The following NLN variants were observed in gnomAD, a reference collection of about 807,000 sequenced individuals.
NLN encodes neurolysin.
NLN carries 64 observed loss-of-function variants against 79.9 expected under a neutral mutation model. The observed-to-expected ratio is 0.80, with a 90% CI of 0.65 to 0.99. The LOEUF is 0.99. Among genes scored for constraint, NLN ranks in the 50% least tolerant of loss-of-function variants. The pLI, the probability that NLN is intolerant of heterozygous loss-of-function variation, is 0.00. For missense variants in NLN, 835 were observed against 858.7 expected (o/e 0.97, Z 0.34); for synonymous variants, 267 against 296.6 (o/e 0.90, Z 1.02).
intron 2 of NLN, among the ~76,000 whole-genome samples, chr5:65,761,103 G>A (rs910108092): frequency 2.0e-5 from 3 of 152,076 alleles, no homozygotes; most frequent in African/African-American, 4.8e-5. Context: ...CTATGGTTTG[G>A]CAGTGAGAGC....
intron 12 of NLN, among the ~76,000 whole-genome samples, chr5:65,817,230 G>A (rs1760688930): frequency 6.6e-6 from 1 of 152,154 alleles, no homozygotes; most frequent in African/African-American, 2.4e-5. Flanking sequence ...GTTCTTCATA[G>A]TAAATAGACA....
At chr5:65,779,406 T>C (rs1759750610) in intron 4 of NLN, among the ~76,000 whole-genome samples, 1 of 152,190 alleles carries the variant, frequency 6.6e-6, no homozygotes, top group African/African-American at 2.4e-5. Flanking sequence ...TCATTTGATC[T>C]CCCACCTAAT....
chr5:65,814,263 G>A (rs564575430), intron 12 of NLN, among the ~76,000 whole-genome samples: 8 of 152,000 alleles, frequency 5.3e-5, no homozygotes, highest in African/African-American at 1.2e-4. Flanking sequence ...AAAGGCCCTC[G>A]TCCTTCTTCT....
chr5:65,809,779 C>T (rs1302519311), intron 10 of NLN, 78 bp downstream of exon 10: 6 of 1,196,528 alleles, frequency 5.0e-6, no homozygotes, highest in Non-Finnish European at 7.0e-6. Context: ...TTCTGTAGAA[C>T]TTATTTTCAT....
At chr5:65,780,894 G>A (rs1283135326) in intron 5 of NLN, among the ~76,000 whole-genome samples, 3 of 152,030 alleles carry the variant, frequency 2.0e-5, no homozygotes, top group African/African-American at 4.8e-5. Context: ...GAATGGTCTC[G>A]ATTTCTTGAC....
intron 2 of NLN, among the ~76,000 whole-genome samples, chr5:65,760,676 C>T (rs999219017): frequency 1.3e-5 from 2 of 152,132 alleles, no homozygotes; most frequent in Non-Finnish European, 2.9e-5. Context: ...CCATGCCCAG[C>T]TAATTTTTAC....
chr5:65,820,338 G>T (rs1481418800), intron 12 of NLN, among the ~76,000 whole-genome samples: 3 of 152,130 alleles, frequency 2.0e-5, no homozygotes, highest in African/African-American at 7.2e-5. Flanking sequence ...CTGGATGATA[G>T]GTTTGTGAGA....
chr5:65,738,936 AT>A lies in NLN; in HGVS notation c.41+16528del, dbSNP rs1228775439. On this transcript the variant is annotated intron_variant, in intron 1 of 12. Coordinates refer to ENST00000380985, the MANE Select transcript of NLN (RefSeq NM_020726.5). ...CTATGATATATATGTGTGTATATAT[AT>A]TTTTTATATATGTTTATATATATGT... is the stretch of plus-strand genomic sequence containing the variant. 1.7e-4 allele frequency among the ~76,000 whole-genome samples: 16 copies of A among 96,624 alleles called. 1 individual carries two copies. Among genetic ancestry groups the A allele is most frequent in the East Asian group, 9.5e-4 (4 of 4,192 alleles). 63.4% of individuals were successfully genotyped at this position (96,624 alleles called of 152,430 possible).
Position 65,788,468 on chromosome 5 carries a change from T to C in NLN, c.1309T>C (p.Leu437=). 1 of 1,613,590 alleles carries C rather than the reference T, an allele frequency of 6.2e-7. No homozygotes were observed. Among genetic ancestry groups the C allele is most frequent in the African/African-American group, 1.3e-5 (1 of 75,046 alleles). The change falls in exon 8 of 13, where the codon TTG becomes CTG. Residue 437 remains leucine (L), a synonymous_variant. Coordinates refer to ENST00000380985, the MANE Select transcript of NLN (RefSeq NM_020726.5). ...AGGAGAAGTATTGGGACAGTTCTAT[T>C]TGGACCTCTATCCAAGGTACTGAGG... ...ATGEVLGQFY[L]DLYPREGKYN...
At chr5:65,786,289 AT>A (rs1359621063) in intron 7 of NLN, among the ~76,000 whole-genome samples, 5 of 152,232 alleles carry the variant, frequency 3.3e-5, no homozygotes, top group African/African-American at 1.2e-4. Context: ...GTACATAAAA[AT>A]AAAACATACA....
chr5:65,786,979 A>G (rs1346071438), intron 7 of NLN, among the ~76,000 whole-genome samples: 2 of 152,260 alleles, frequency 1.3e-5, no homozygotes, highest in Non-Finnish European at 2.9e-5. Context: ...TGCATGGTAT[A>G]CAAGAGGATG....
At chr5:65,730,694 T>A (rs1758586367) in intron 1 of NLN, among the ~76,000 whole-genome samples, 1 of 152,010 alleles carries the variant, frequency 6.6e-6, no homozygotes, top group African/African-American at 2.4e-5. Context: ...GTAGCTGGGA[T>A]TACAGGCACC....
chr5:65,784,615 C>T (rs990964393), intron 6 of NLN, among the ~76,000 whole-genome samples: 1 of 152,166 alleles, frequency 6.6e-6, no homozygotes. Flanking sequence ...ATTCATTGGT[C>T]AATTCCCAAA....
intron 9 of NLN, 135 bp from the exon 10 acceptor site, chr5:65,809,380 G>C: frequency 1.5e-6 from 1 of 677,140 alleles, no homozygotes; most frequent in Non-Finnish European, 2.5e-6. Context: ...TTGACTATGA[G>C]GTTATTCTAA....
intron 1 of NLN, among the ~76,000 whole-genome samples, chr5:65,756,056 A>G (rs1314612083): frequency 6.6e-6 from 1 of 152,096 alleles, no homozygotes; most frequent in Non-Finnish European, 1.5e-5. Context: ...GTATTCAACA[A>G]AGACTTTTCA....
In NLN at chr5:65,733,385, T is replaced by C. The variant is rs550118287; in HGVS notation, c.41+10971T>C. On this transcript the variant is annotated intron_variant, in intron 1 of 12. Transcript: ENST00000380985. ...CCCAGCTCACCACCTTCTACTTTCA[T>C]GGAAACGAGACCTCCATGAATGCTC... is the stretch of plus-strand genomic sequence containing the variant. 3 of 1,507,516 alleles carry C rather than the reference T, an allele frequency of 2.0e-6. 1 individual carries two copies. Among genetic ancestry groups the C allele is most frequent in the Non-Finnish European group, 2.7e-6 (3 of 1,098,276 alleles). 93.4% of individuals were successfully genotyped at this position (1,507,516 alleles called of 1,614,324 possible).
chr5:65,735,107 C>T (rs1758701896), intron 1 of NLN, among the ~76,000 whole-genome samples: 1 of 152,174 alleles, frequency 6.6e-6, no homozygotes, highest in East Asian at 1.9e-4. Flanking sequence ...ACTGAGTTCT[C>T]ACAAGATCTG....
At chr5:65,737,219 C>G (rs1381871208) in intron 1 of NLN, among the ~76,000 whole-genome samples, 1 of 152,158 alleles carries the variant, frequency 6.6e-6, no homozygotes, top group Non-Finnish European at 1.5e-5. Flanking sequence ...AAGACAGAAA[C>G]TGCTCCTGCC....
At chr5:65,781,581 G>A (rs1436406454) in intron 6 of NLN, among the ~76,000 whole-genome samples, 160 bp downstream of exon 6, 1 of 152,094 alleles carries the variant, frequency 6.6e-6, no homozygotes, top group Non-Finnish European at 1.5e-5. Flanking sequence ...CTTTTTCATT[G>A]CTCATTGACA....
Sources: allele counts gnomAD v4.1 joint callset (sites outside exome capture counted in the v4.1 genomes callset), GRCh38; gene constraint gnomAD v4.1.1; transcripts MANE v1.5; gene names NCBI Gene and HGNC (gene_info 2026-07-23, HGNC 2026-07-21).